MDFIC2: variants seen among roughly 807,000 people sequenced by gnomAD.
MDFIC2 encodes the protein MyoD family inhibitor domain containing 2.
chr3:70,301,494 A>T (rs1014350568), intron 2 of MDFIC2, among the ~76,000 whole-genome samples: 4 of 152,060 alleles, frequency 2.6e-5, no homozygotes, highest in African/African-American at 4.8e-5. Context: ...TGGGCATGGG[A>T]ATCTCTGTGT....
chr3:70,224,984 G>A (rs977584227), intron 2 of MDFIC2, among the ~76,000 whole-genome samples: 51 of 152,256 alleles, frequency 3.3e-4, no homozygotes, highest in African/African-American at 1.1e-3. Flanking sequence ...ATTTTGGATA[G>A]GTGACATGAC....
At chr3:70,231,641 A>G (rs1236876603) in intron 2 of MDFIC2, among the ~76,000 whole-genome samples, 1 of 152,112 alleles carries the variant, frequency 6.6e-6, no homozygotes, top group East Asian at 1.9e-4. Context: ...GATTTGCTTA[A>G]TCAGGGAAAC....
At chr3:70,281,079 T>A (rs2106681710) in intron 2 of MDFIC2, among the ~76,000 whole-genome samples, 1 of 152,346 alleles carries the variant, frequency 6.6e-6, no homozygotes, top group Non-Finnish European at 1.5e-5. Flanking sequence ...ATAAATTTTG[T>A]ATGCCTTTTC....
chr3:70,257,341 TG>T (rs1439700514), intron 2 of MDFIC2, among the ~76,000 whole-genome samples: 3 of 152,144 alleles, frequency 2.0e-5, no homozygotes, highest in Non-Finnish European at 4.4e-5. Flanking sequence ...TTTTGGATCA[TG>T]GGTTTTAAGG....
chr3:70,290,567 T>C (rs1224332466), intron 2 of MDFIC2, among the ~76,000 whole-genome samples: 1 of 152,260 alleles, frequency 6.6e-6, no homozygotes, highest in Non-Finnish European at 1.5e-5. Flanking sequence ...GCAGGCCTCC[T>C]TGAGCTGTGG....
At chr3:70,279,119 CCT>C (rs1201445288) in intron 2 of MDFIC2, among the ~76,000 whole-genome samples, 2 of 150,700 alleles carry the variant, frequency 1.3e-5, no homozygotes, top group Admixed American at 6.7e-5. Flanking sequence ...TAGATTATTT[CCT>C]CTGTTTCACT....
At chr3:70,223,847 T>C (rs1336118330) in intron 2 of MDFIC2, among the ~76,000 whole-genome samples, 5 of 152,194 alleles carry the variant, frequency 3.3e-5, no homozygotes, top group African/African-American at 7.2e-5. Context: ...GGCACCCTTT[T>C]AGACTTAATC....
In MDFIC2 at chr3:70,212,823, T is replaced by C. The variant is rs961486036; in HGVS notation, c.89-6033A>G. 5.3e-5 allele frequency among the ~76,000 whole-genome samples: 8 copies of C among 152,180 alleles called. 1 individual carries two copies. The highest frequency in any genetic ancestry group is 6.8e-3 in the Middle Eastern group (2 of 294). ...CTTTTTTTGAGACAGGGTCTCACTC[T>C]GTCACCCAGGCTGGAGTGCAGTGGT... is the stretch of plus-strand genomic sequence containing the variant. On this transcript the variant is annotated intron_variant, in intron 2 of 3. Transcript: ENST00000567252.
chr3:70,236,795 T>C (rs1701614369), intron 2 of MDFIC2, among the ~76,000 whole-genome samples: 1 of 152,102 alleles, frequency 6.6e-6, no homozygotes, highest in African/African-American at 2.4e-5. Flanking sequence ...GGGGTCTTTG[T>C]ATGTTGCCCA....
At chr3:70,280,268 C>T (rs1007954498) in intron 2 of MDFIC2, among the ~76,000 whole-genome samples, 2 of 152,116 alleles carry the variant, frequency 1.3e-5, no homozygotes, top group East Asian at 3.9e-4. Context: ...AATTTAGGTG[C>T]CACTCATGTG....
intron 2 of MDFIC2, among the ~76,000 whole-genome samples, chr3:70,306,531 A>G (rs1425587735): frequency 1.3e-5 from 2 of 152,192 alleles, no homozygotes; most frequent in South Asian, 2.1e-4. Flanking sequence ...CCTTCCTGGC[A>G]TGGATGGAAG....
At chr3:70,218,022 C>G (rs1701431271) in intron 2 of MDFIC2, among the ~76,000 whole-genome samples, 1 of 152,116 alleles carries the variant, frequency 6.6e-6, no homozygotes, top group African/African-American at 2.4e-5. Flanking sequence ...AACAGAGGAG[C>G]AAATCATATG....
At chr3:70,297,988 AT>A (rs1702305998) in intron 2 of MDFIC2, among the ~76,000 whole-genome samples, 1 of 152,050 alleles carries the variant, frequency 6.6e-6, no homozygotes, top group African/African-American at 2.4e-5. Flanking sequence ...CAGGGGAGAA[AT>A]TTTTAAAAAT....
chr3:70,262,725 G>A (rs78664213), intron 2 of MDFIC2, among the ~76,000 whole-genome samples: 4,532 of 152,164 alleles, frequency 0.03, 165 homozygotes, highest in East Asian at 0.2. Context: ...TGGAGATTCC[G>A]GGATCTGTAA....
chr3:70,268,116 G>T (rs1701938327), intron 2 of MDFIC2, among the ~76,000 whole-genome samples: 1 of 151,762 alleles, frequency 6.6e-6, no homozygotes, highest in South Asian at 2.1e-4. Flanking sequence ...GCAAAATTGG[G>T]CAGAAGGTGC....
chr3:70,246,933 T>G (rs1393039926), intron 2 of MDFIC2, among the ~76,000 whole-genome samples: 2 of 152,028 alleles, frequency 1.3e-5, no homozygotes, highest in African/African-American at 4.8e-5. Flanking sequence ...TTTCAATAAT[T>G]CGTAATTATA....
At chr3:70,306,313 A>C (rs573486804) in intron 2 of MDFIC2, among the ~76,000 whole-genome samples, 1 of 152,122 alleles carries the variant, frequency 6.6e-6, no homozygotes, top group Non-Finnish European at 1.5e-5. Context: ...GGGTTTCACC[A>C]TGTTGGCCAG....
chr3:70,279,246 A>G (rs1310376829), intron 2 of MDFIC2, among the ~76,000 whole-genome samples: 1 of 151,962 alleles, frequency 6.6e-6, no homozygotes, highest in African/African-American at 2.4e-5. Flanking sequence ...AGTACATATT[A>G]TTATTTTCAT....
chr3:70,231,452 A>C (rs771346276), intron 2 of MDFIC2, among the ~76,000 whole-genome samples: 1 of 152,338 alleles, frequency 6.6e-6, no homozygotes, highest in Middle Eastern at 3.4e-3. Context: ...AAAGCTCTAA[A>C]AGAGCTCCCT....
Sources: allele counts gnomAD v4.1 joint callset (sites outside exome capture counted in the v4.1 genomes callset), GRCh38; gene constraint gnomAD v4.1.1; transcripts MANE v1.5; gene names NCBI Gene and HGNC (gene_info 2026-07-23, HGNC 2026-07-21).